VWC2L: variants seen among roughly 807,000 people sequenced by gnomAD.
The protein encoded by VWC2L is von Willebrand factor C domain containing 2 like, also known as von Willebrand factor C domain-containing protein 2-like.
VWC2L carries 10 observed loss-of-function variants against 21.6 expected under a neutral mutation model. The observed-to-expected ratio is 0.46, with a 90% CI of 0.29 to 0.78. VWC2L has a LOEUF of 0.78. Ranked by LOEUF, VWC2L falls within the 30% of genes least tolerant of loss-of-function variation. VWC2L has a pLI of 0.10. For missense variants in VWC2L, 209 were observed against 277.1 expected, an observed-to-expected ratio of 0.75 and a Z score of 1.74; for synonymous variants, 96 against 94.3, an observed-to-expected ratio of 1.02 and a Z score of -0.10.
intron 2 of VWC2L, among the ~76,000 whole-genome samples, chr2:214,423,400 A>G (rs1170954377): frequency 2.6e-5 from 4 of 152,174 alleles, no homozygotes; most frequent in Non-Finnish European, 5.9e-5. Context: ...AAATAATGGC[A>G]CAGCTCATTA....
intron 3 of VWC2L, among the ~76,000 whole-genome samples, chr2:214,548,329 A>G (rs1444299941): frequency 6.6e-6 from 1 of 152,200 alleles, no homozygotes; most frequent in Non-Finnish European, 1.5e-5. Context: ...ATTTTGTGCC[A>G]GTATTCTCTA....
chr2:214,489,649 A>G (rs1289053858), intron 3 of VWC2L, among the ~76,000 whole-genome samples: 1 of 152,216 alleles, frequency 6.6e-6, no homozygotes, highest in Non-Finnish European at 1.5e-5. Context: ...GAGAAAGAGC[A>G]GATTATGAGT....
chr2:214,490,824 A>G (rs1194234461), intron 3 of VWC2L, among the ~76,000 whole-genome samples: 1 of 152,214 alleles, frequency 6.6e-6, no homozygotes, highest in African/African-American at 2.4e-5. Context: ...AGAGAAAAAG[A>G]AGGTAAGGAA....
chr2:214,455,646 T>G (rs1001684124), intron 3 of VWC2L, among the ~76,000 whole-genome samples: 2 of 152,208 alleles, frequency 1.3e-5, no homozygotes, highest in African/African-American at 4.8e-5. Context: ...TTATTCCTTC[T>G]GTTTGTTTGT....
chr2:214,546,796 A>C (rs946631727), intron 3 of VWC2L, among the ~76,000 whole-genome samples: 1 of 152,160 alleles, frequency 6.6e-6, no homozygotes, highest in African/African-American at 2.4e-5. Flanking sequence ...AAATGAAAGG[A>C]GTTTTCGCTG....
chr2:214,537,900 C>T (rs1010428753), intron 3 of VWC2L, among the ~76,000 whole-genome samples: 5 of 54,702 alleles, frequency 9.1e-5, no homozygotes, highest in African/African-American at 1.9e-4. Flanking sequence ...AGGATAGTGG[C>T]CTTTTTTTTT....
intron 3 of VWC2L, among the ~76,000 whole-genome samples, chr2:214,528,496 C>T (rs1460538358): frequency 6.6e-6 from 1 of 152,130 alleles, no homozygotes; most frequent in African/African-American, 2.4e-5. Context: ...CTTAACTTTT[C>T]TTTTCTCTGA....
intron 3 of VWC2L, among the ~76,000 whole-genome samples, chr2:214,489,547 T>C (rs939313768): frequency 6.6e-6 from 1 of 152,188 alleles, no homozygotes; most frequent in Admixed American, 6.5e-5. Context: ...ATGGAAATCA[T>C]GAAAATTACA....
intron 3 of VWC2L, among the ~76,000 whole-genome samples, chr2:214,446,294 G>A (rs1376986852): frequency 1.3e-5 from 2 of 152,084 alleles, no homozygotes; most frequent in Non-Finnish European, 2.9e-5. Flanking sequence ...TACAACTGAA[G>A]GTCAGAATTA....
chr2:214,503,717 A>T (rs2105902189), intron 3 of VWC2L, among the ~76,000 whole-genome samples: 1 of 138,092 alleles, frequency 7.2e-6, no homozygotes, highest in South Asian at 2.7e-4. Context: ...TAAAAAAGTG[A>T]AACCAGAAAT....
chr2:214,434,016 A>C (rs1232735095), intron 2 of VWC2L, among the ~76,000 whole-genome samples: 1 of 152,222 alleles, frequency 6.6e-6, no homozygotes, highest in African/African-American at 2.4e-5. Context: ...AATCACATGC[A>C]TATGATAAGA....
intron 2 of VWC2L, among the ~76,000 whole-genome samples, chr2:214,426,688 TTCTAAC>T (rs1357623890): frequency 1.3e-4 from 20 of 152,264 alleles, no homozygotes; most frequent in African/African-American, 4.6e-4. Flanking sequence ...AAAAAAGGTC[TTCTAAC>T]TCTAACTCTA....
At chr2:214,535,817 CA>C (rs1689517973) in intron 3 of VWC2L, among the ~76,000 whole-genome samples, 1 of 151,792 alleles carries the variant, frequency 6.6e-6, no homozygotes, top group African/African-American at 2.4e-5. Flanking sequence ...CACACACACA[CA>C]CACTAGTCTG....
At position 214,489,379 on chromosome 2, in the gene VWC2L, G is replaced by A. The variant is rs1574593519; in HGVS notation, c.520+52621G>A. Among the ~76,000 whole-genome samples the A allele has an allele frequency of 3.3e-5, 5 of 152,308 alleles. No homozygotes were observed. In the South Asian group the frequency reaches 1.0e-3, roughly 32 times the overall value. ...AGAAGAGAAAAGAATGATTGGAAGT[G>A]TGCCCCTAGAGGTAGAGAGACTCGT... On this transcript the variant is annotated intron_variant, in intron 3 of 3. Transcript: ENST00000312504.
chr2:214,438,132 G>T (rs75739592), intron 3 of VWC2L, among the ~76,000 whole-genome samples: 1 of 151,926 alleles, frequency 6.6e-6, no homozygotes, highest in Non-Finnish European at 1.5e-5. Flanking sequence ...AACTGGAAAA[G>T]ATACAAGAAA....
chr2:214,449,892 CAT>C (rs1188470764), intron 3 of VWC2L, among the ~76,000 whole-genome samples: 7 of 152,170 alleles, frequency 4.6e-5, no homozygotes, highest in African/African-American at 1.7e-4. Flanking sequence ...CCATTACTTT[CAT>C]ATGTTTTGCA....
rs1559333772 is a variant in VWC2L, at chr2:214,567,571, C to CAGAG, written c.521-8100_521-8099insGAGA. Among the ~76,000 whole-genome samples the CAGAG allele has an allele frequency of 9.5e-4, 134 of 141,346 alleles. 1 individual carries two copies. Among genetic ancestry groups the CAGAG allele is most frequent in the African/African-American group, 3.5e-3 (130 of 36,620 alleles). 92.7% of individuals were successfully genotyped at this position (141,346 alleles called of 152,430 possible). On this transcript the variant is annotated intron_variant, in intron 3 of 3. Coordinates refer to ENST00000312504, the MANE Select transcript of VWC2L (RefSeq NM_001080500.4). ...ATACACACACACACACACACACACA[C>CAGAG]ACACACACACACACACACACACACA...
intron 3 of VWC2L, among the ~76,000 whole-genome samples, chr2:214,451,241 T>G (rs1275108049): frequency 6.6e-6 from 1 of 151,512 alleles, no homozygotes; most frequent in Admixed American, 6.6e-5. Context: ...ATATACTTCT[T>G]TTTAGGTGCT....
intron 3 of VWC2L, among the ~76,000 whole-genome samples, chr2:214,531,473 G>T (rs1339119436): frequency 6.6e-6 from 1 of 152,116 alleles, no homozygotes; most frequent in African/African-American, 2.4e-5. Context: ...AACAAAAGGA[G>T]CAATTTTGCA....
Sources: gnomAD v4.1 joint callset for allele counts (sites outside exome capture counted in the v4.1 genomes callset) on GRCh38, gnomAD v4.1.1 for gene constraint, MANE v1.5 for transcripts, NCBI Gene and HGNC (gene_info 2026-07-23, HGNC 2026-07-21) for gene names.